PNPLA5: variants seen among roughly 807,000 people sequenced by gnomAD.
PNPLA5 encodes the protein patatin-like phospholipase domain-containing protein 5.
In PNPLA5, 44 loss-of-function variants were observed where a neutral mutation model predicts 49.1. That is an observed-to-expected ratio of 0.90 (90% confidence interval 0.70 to 1.15). The LOEUF (loss-of-function observed/expected upper bound fraction) is 1.15. Ranked by LOEUF, PNPLA5 falls within the 50% of genes most tolerant of loss-of-function variation. The pLI is 0.00. For missense variants in PNPLA5, 603 were observed against 564.0 expected (o/e 1.07, Z -0.70); for synonymous variants, 243 against 244.4 (o/e 0.99, Z 0.06).
rs956588524 is a variant in PNPLA5 at position 43,889,317 on chromosome 22, G to A, written c.702+12C>T. On this transcript the variant is annotated intron_variant, in intron 4 of 8. Transcript: ENST00000216177. ...GGCCAAGCCTCTAACACCATCACAG[G>A]GCCAGACCTACCTCGAGGCTGGGGG... 4 of 1,613,168 alleles carry A rather than the reference G, an allele frequency of 2.5e-6. No individual in the cohort carries two copies. The highest frequency in any genetic ancestry group is 3.3e-5 in the Admixed American group (2 of 60,012).
chr22:43,888,380 G>GTA (rs1285002566), intron 4 of PNPLA5, among the ~76,000 whole-genome samples: 1 of 111,626 alleles, frequency 9.0e-6, no homozygotes, highest in Non-Finnish European at 1.8e-5. Flanking sequence ...GAGTGTGTGT[G>GTA]TGTGTGTGTG....
At chr22:43,884,466 A>G (rs2049641978) in intron 6 of PNPLA5, 121 bp from the exon 7 acceptor site, 7 of 1,329,032 alleles carry the variant, frequency 5.3e-6, no homozygotes, top group African/African-American at 1.5e-5. Context: ...TGAAGAAGCA[A>G]CACTGAGCAA....
rs2049597181 is a variant in PNPLA5 at position 43,880,521 on chromosome 22, C to G, written c.*274G>C. ...CCAGCAATGCTGCCCTCCTAGTCCC[C>G]CCGTGGAAATTCTGAAAGTAAGACA... On this transcript the variant is annotated 3_prime_UTR_variant, in exon 9 of 9. Coordinates refer to ENST00000216177, the MANE Select transcript of PNPLA5 (RefSeq NM_138814.4). 2.5e-6 allele frequency: 1 copy of G among 399,694 alleles called. No homozygotes were observed. 24.8% of individuals were successfully genotyped at this position (399,694 alleles called of 1,614,324 possible).
chr22:43,884,822 G>C (rs2049645733), intron 6 of PNPLA5, among the ~76,000 whole-genome samples: 1 of 152,232 alleles, frequency 6.6e-6, no homozygotes, highest in Non-Finnish European at 1.5e-5. Context: ...GACCTGACCA[G>C]AGTGGAAGGG....
In PNPLA5 at chr22:43,891,760, C is replaced by A; in HGVS notation, c.121G>T (p.Gly41Cys). ...LRQRAPRLLQ[G>C]ARRIYGSSSG... ...GAGGAACCGTAGATGCGGCGGGCGC[C>A]CTGGAGGAGGCGCGGGGCTCGCTGG... is the stretch of plus-strand genomic sequence containing the variant. The change falls in exon 1 of 9, where the codon GGC (glycine) becomes TGC (cysteine). Residue 41 changes from glycine (G) to cysteine (C), a missense_variant. Gly to Cys is a radical substitution (Grantham distance 159). Coordinates refer to ENST00000216177, the MANE Select transcript of PNPLA5 (RefSeq NM_138814.4). The A allele has an allele frequency of 1.3e-6, 2 of 1,538,414 alleles. No homozygotes were observed. The highest frequency in any genetic ancestry group is 1.7e-6 in the Non-Finnish European group (2 of 1,143,290).
chr22:43,881,393 G>C (rs1345399884), intron 8 of PNPLA5, among the ~76,000 whole-genome samples, 165 bp downstream of exon 8: 1 of 152,216 alleles, frequency 6.6e-6, no homozygotes, highest in Non-Finnish European at 1.5e-5. Flanking sequence ...GCACAGCAGT[G>C]ACCAACACAC....
rs969958186 is a variant in PNPLA5 at position 43,891,689 on chromosome 22, G to T, written c.192C>A (p.Val64=). 3 of 1,545,044 alleles carry T rather than the reference G, an allele frequency of 1.9e-6. No individual in the cohort carries two copies. The African/African-American group carries it at 4.2e-5, about 21-fold the overall frequency. ...TCGCCCCCGCGGTCCGGGACTCACC[G>T]ACCGACTTGCCGCAGACGATGCTGA... ...NAVSIVCGKS[V]DFCCSHLLGM... is the part of the protein sequence containing the mutation. Residue 64 remains valine (V), a splice_region_variant and synonymous_variant, in exon 1 of 9, where the codon GTC becomes GTA. Transcript: ENST00000216177.
intron 2 of PNPLA5, among the ~76,000 whole-genome samples, chr22:43,890,546 A>G (rs2049712002): frequency 6.6e-6 from 1 of 152,190 alleles, no homozygotes. Flanking sequence ...TTTCATTTCA[A>G]TACTGGATGG....
Position 43,885,839 on chromosome 22 carries a change from A to G in PNPLA5, c.949+464T>C, listed in dbSNP as rs372367891. On this transcript the variant is annotated intron_variant, in intron 6 of 8. Coordinates refer to ENST00000216177, the MANE Select transcript of PNPLA5 (RefSeq NM_138814.4). The stretch of plus-strand genomic sequence containing the variant: ...GTGCTATGGTTTCCTCATCTGTACA[A>G]TGAGAACAATTCTGTACTATCCTCA... 2.6e-5 allele frequency among the ~76,000 whole-genome samples: 4 copies of G among 152,304 alleles called. No individual in the cohort carries two copies. In the East Asian group the frequency reaches 7.7e-4, roughly 29 times the overall value.
In PNPLA5 at chr22:43,891,730, CA is replaced by C; in HGVS notation, c.150del (p.Ala52ArgfsTer30). On this transcript the variant is annotated frameshift_variant, in exon 1 of 9. Transcript: ENST00000216177. LOFTEE classifies it high-confidence loss of function. ...ACGATGCTGACTGCGTTGAGCGCCC[CA>C]GACGAGGAACCGTAGATGCGGCGGG... ...QGARRIYGSS[S>X]GALNAVSIVC... 2.6e-6 allele frequency: 4 copies of C among 1,547,900 alleles called. No individual in the cohort carries two copies. The highest frequency in any genetic ancestry group is 3.5e-6 in the Non-Finnish European group (4 of 1,146,018).
chr22:43,885,007 G>A (rs115740198), intron 6 of PNPLA5, among the ~76,000 whole-genome samples: 278 of 152,336 alleles, frequency 1.8e-3, no homozygotes, highest in African/African-American at 6.3e-3. Flanking sequence ...CCTGCCGAGT[G>A]TCCTAGGACG....
intron 7 of PNPLA5, among the ~76,000 whole-genome samples, chr22:43,881,996 A>G (rs2049615483): frequency 6.6e-6 from 1 of 152,270 alleles, no homozygotes; most frequent in East Asian, 1.9e-4. Flanking sequence ...GCTTGAGGCT[A>G]CAGCCCAGCC....
intron 2 of PNPLA5, 68 bp downstream of exon 2, chr22:43,890,994 C>A (rs948073137): frequency 1.2e-5 from 19 of 1,550,658 alleles, no homozygotes; most frequent in Non-Finnish European, 1.6e-5. Context: ...GGGGAAGTAC[C>A]TGGATGTCAC....
chr22:43,887,461 C>T (rs1446816827), intron 5 of PNPLA5, 130 bp downstream of exon 5: 8 of 1,119,312 alleles, frequency 7.1e-6, no homozygotes, highest in African/African-American at 1.5e-5. Flanking sequence ...AGCTCAGGTC[C>T]AGCACAGAGC....
chr22:43,891,590 G>A, intron 1 of PNPLA5, 98 bp downstream of exon 1: 2 of 1,386,962 alleles, frequency 1.4e-6, no homozygotes, highest in East Asian at 2.7e-5. Flanking sequence ...CGGGGGTAGA[G>A]GGCGCAGAGC....
chr22:43,884,219 C>T lies in PNPLA5; in HGVS notation c.1076G>A (p.Ser359Asn), dbSNP rs1455073638. The T allele has an allele frequency of 1.9e-6, 3 of 1,552,408 alleles. No individual in the cohort carries two copies. The highest frequency in any genetic ancestry group is 2.6e-6 in the Non-Finnish European group (3 of 1,145,998). ...TLPFEYIYFR[S>N]RRLVVWLPDV... is the part of the protein sequence containing the mutation. ...CCCCCTGGCCGAGCCTTACCTTCTG[C>T]TGCGGAAGTAGATGTACTCGAAGGG... The change falls in exon 7 of 9, where the codon AGC becomes AAC. Residue 359 changes from serine (S) to asparagine (N), a missense_variant. Transcript: ENST00000216177.
chr22:43,883,235 A>T (rs941630328), intron 7 of PNPLA5, among the ~76,000 whole-genome samples: 1 of 152,128 alleles, frequency 6.6e-6, no homozygotes, highest in Non-Finnish European at 1.5e-5. Flanking sequence ...TGAGCTGTGC[A>T]GCTGGAAGCC....
chr22:43,887,608 C>G lies in PNPLA5; in HGVS notation c.746G>C (p.Arg249Thr), dbSNP rs1489480197. 1 of 1,610,168 alleles carries G rather than the reference C, an allele frequency of 6.2e-7. No homozygotes were observed. Among genetic ancestry groups the G allele is most frequent in the Non-Finnish European group, 8.5e-7 (1 of 1,178,280 alleles). ...CCACCTACCACGTCTCTCCAGGAAC[C>G]TCAGGGCATCCAGGTAGCCTTGTCT... ...NCRQGYLDAL[R>T]FLERRGLTKE... The change falls in exon 5 of 9, where the codon AGG becomes ACG. Residue 249 changes from arginine to threonine, a missense_variant. Physicochemically the swap from Arg to Thr is moderately conservative, Grantham distance 71. Transcript: ENST00000216177.
chr22:43,890,622 C>T (rs2049712735), intron 2 of PNPLA5, among the ~76,000 whole-genome samples: 1 of 152,226 alleles, frequency 6.6e-6, no homozygotes, highest in Admixed American at 6.5e-5. Flanking sequence ...AACCACTGAG[C>T]ATAGAAGCCC....
Sources: gnomAD v4.1 joint callset for allele counts (sites outside exome capture counted in the v4.1 genomes callset) on GRCh38, gnomAD v4.1.1 for gene constraint, MANE v1.5 for transcripts, NCBI Gene and HGNC (gene_info 2026-07-23, HGNC 2026-07-21) for gene names.